The following NCKAP5 variants were observed in gnomAD, a reference collection of about 807,000 sequenced individuals.
NCKAP5 encodes NCK associated protein 5.
In NCKAP5, 92 loss-of-function variants were observed where a neutral mutation model predicts 167.0. The observed-to-expected ratio is 0.55, with a 90% CI of 0.47 to 0.66. The LOEUF is 0.66. Among genes scored for constraint, NCKAP5 ranks in the 30% least tolerant of loss-of-function variants. The pLI is 0.00. For synonymous variants in NCKAP5, 891 were observed against 877.4 expected (o/e 1.02, Z -0.27); for missense variants, 2,378 against 2,315.0 (o/e 1.03, Z -0.56).
intron 13 of NCKAP5, among the ~76,000 whole-genome samples, 180 bp from the exon 14 acceptor site, chr2:132,785,898 C>A (rs944702307): frequency 4.6e-5 from 7 of 152,208 alleles, no homozygotes; most frequent in African/African-American, 7.2e-5. Context: ...TTGATTTTGC[C>A]AGGTCCTGTG....
chr2:132,908,485 G>A (rs1423673021), intron 8 of NCKAP5, among the ~76,000 whole-genome samples: 1 of 152,134 alleles, frequency 6.6e-6, no homozygotes, highest in Admixed American at 6.5e-5. Context: ...TTCTTCTATC[G>A]AATATCCTCC....
chr2:132,891,636 A>G (rs1298876942), intron 8 of NCKAP5, among the ~76,000 whole-genome samples: 2 of 152,234 alleles, frequency 1.3e-5, no homozygotes, highest in Non-Finnish European at 2.9e-5. Flanking sequence ...AGTAGAACAG[A>G]AAAAAACTGT....
chr2:133,039,051 C>T (rs1329592885), intron 6 of NCKAP5, among the ~76,000 whole-genome samples: 1 of 152,104 alleles, frequency 6.6e-6, no homozygotes, highest in Admixed American at 6.6e-5. Flanking sequence ...AGGATGTGGC[C>T]ACCAACACCA....
chr2:133,211,673 C>G (rs2086216823), intron 5 of NCKAP5, among the ~76,000 whole-genome samples: 1 of 152,176 alleles, frequency 6.6e-6, no homozygotes, highest in Non-Finnish European at 1.5e-5. Context: ...TTCTCCAGTG[C>G]CTAGAATAGT....
intron 2 of NCKAP5, among the ~76,000 whole-genome samples, chr2:133,549,920 C>T (rs1453975182): frequency 5.1e-5 from 7 of 137,336 alleles, no homozygotes; most frequent in African/African-American, 1.7e-4. Context: ...GGGATATCAC[C>T]ACCGATCCCA....
chr2:133,328,303 G>T (rs1405229486), intron 3 of NCKAP5, among the ~76,000 whole-genome samples: 1 of 152,208 alleles, frequency 6.6e-6, no homozygotes, highest in Non-Finnish European at 1.5e-5. Context: ...GGAGAATAGA[G>T]GGTTGAGGCT....
At chr2:132,744,824 T>C (rs934743014) in intron 16 of NCKAP5, among the ~76,000 whole-genome samples, 3 of 151,748 alleles carry the variant, frequency 2.0e-5, no homozygotes, top group Admixed American at 6.6e-5. Context: ...ATAATATGTA[T>C]GTATGAACAA....
chr2:133,189,881 TC>T (rs2085129948), intron 5 of NCKAP5, among the ~76,000 whole-genome samples: 1 of 152,124 alleles, frequency 6.6e-6, no homozygotes, highest in African/African-American at 2.4e-5. Context: ...GGATGCCCTC[TC>T]TCACCACTCC....
At chr2:133,280,008 T>A (rs1435269834) in intron 4 of NCKAP5, among the ~76,000 whole-genome samples, 3 of 152,222 alleles carry the variant, frequency 2.0e-5, no homozygotes, top group Non-Finnish European at 4.4e-5. Context: ...AGATATTTTA[T>A]TATCTGTATC....
intron 19 of NCKAP5, among the ~76,000 whole-genome samples, chr2:132,711,551 C>G (rs543652182): frequency 2.6e-5 from 4 of 152,320 alleles, no homozygotes; most frequent in African/African-American, 7.2e-5. Context: ...TCTAGTATAT[C>G]TGGTTGCCTC....
chr2:133,250,953 C>A (rs1559317537), intron 4 of NCKAP5, among the ~76,000 whole-genome samples: 2 of 148,958 alleles, frequency 1.3e-5, no homozygotes, highest in Non-Finnish European at 3.0e-5. Context: ...AACAAACAAA[C>A]AAAAACAAGA....
At chr2:133,054,750 CCCACTCTTATCAAAT>C (rs1392669559) in intron 6 of NCKAP5, among the ~76,000 whole-genome samples, 38 of 152,284 alleles carry the variant, frequency 2.5e-4, no homozygotes, top group African/African-American at 9.1e-4. Flanking sequence ...ATGACATATG[CCCACTCTTATCAAAT>C]CCAGTTTGAA....
At chr2:132,702,808 C>A (rs1403309830) in intron 19 of NCKAP5, among the ~76,000 whole-genome samples, 2 of 152,166 alleles carry the variant, frequency 1.3e-5, no homozygotes, top group Non-Finnish European at 2.9e-5. Context: ...CTCCCAGGAA[C>A]CTCGGGGTAG....
chr2:133,229,248 C>T (rs2087031642), intron 4 of NCKAP5, among the ~76,000 whole-genome samples: 1 of 152,154 alleles, frequency 6.6e-6, no homozygotes, highest in South Asian at 2.1e-4. Flanking sequence ...TCTGTTTATA[C>T]ATAAATAAAT....
chr2:133,252,124 A>G (rs1442414395), intron 4 of NCKAP5, among the ~76,000 whole-genome samples: 1 of 152,238 alleles, frequency 6.6e-6, no homozygotes, highest in Non-Finnish European at 1.5e-5. Flanking sequence ...CCTATACTGG[A>G]AGCATCATTA....
intron 19 of NCKAP5, among the ~76,000 whole-genome samples, chr2:132,696,898 G>T (rs955812358): frequency 6.6e-6 from 1 of 151,930 alleles, no homozygotes; most frequent in Non-Finnish European, 1.5e-5. Context: ...TTTTTTATTT[G>T]GGTTGGGGGA....
At chr2:133,597,217 C>T in the NCKAP5 span, among the ~76,000 whole-genome samples, 2 of 152,298 alleles carry the variant, frequency 1.3e-5, no homozygotes, top group East Asian at 3.9e-4. Flanking sequence ...CAAGGAAGTC[C>T]TCAGACCAAC....
chr2:132,828,614 C>T (rs1687296573), intron 11 of NCKAP5, among the ~76,000 whole-genome samples: 1 of 152,170 alleles, frequency 6.6e-6, no homozygotes, highest in South Asian at 2.1e-4. Flanking sequence ...TACCCAGTCT[C>T]AGGTATTTCT....
At chr2:133,335,305 C>T (rs1188699451) in intron 3 of NCKAP5, among the ~76,000 whole-genome samples, 2 of 152,180 alleles carry the variant, frequency 1.3e-5, no homozygotes, top group African/African-American at 2.4e-5. Flanking sequence ...AAGCAAATTG[C>T]TACACTTGAC....
Sources: allele counts gnomAD v4.1 joint callset (sites outside exome capture counted in the v4.1 genomes callset), GRCh38; gene constraint gnomAD v4.1.1; transcripts MANE v1.5; gene names NCBI Gene and HGNC (gene_info 2026-07-23, HGNC 2026-07-21).